The following MGMT variants were observed in gnomAD, a reference collection of about 807,000 sequenced individuals.
MGMT encodes the protein O-6-methylguanine-DNA methyltransferase, also known as methylated-DNA--protein-cysteine methyltransferase.
In MGMT, 14 loss-of-function variants were observed where a neutral mutation model predicts 15.9. The ratio of observed to expected loss-of-function variants is 0.88; its 90% CI spans 0.58 to 1.37. The LOEUF (loss-of-function observed/expected upper bound fraction) is 1.37, where lower values mean the gene tolerates loss of function less well. Among genes scored for constraint, MGMT ranks in the 40% most tolerant of loss-of-function variants. MGMT has a pLI of 0.00. For synonymous variants in MGMT, 130 were observed against 118.2 expected, an observed-to-expected ratio of 1.10 and a Z score of -0.65; for missense variants, 282 against 268.1, an observed-to-expected ratio of 1.05 and a Z score of -0.36.
At chr10:129,638,769 C>G (rs1444013347) in intron 2 of MGMT, among the ~76,000 whole-genome samples, 2 of 152,072 alleles carry the variant, frequency 1.3e-5, no homozygotes, top group Non-Finnish European at 2.9e-5. Context: ...ACTAAACTCA[C>G]CAGTAAGAAA....
intron 2 of MGMT, among the ~76,000 whole-genome samples, chr10:129,543,148 A>G (rs1846062696): frequency 6.6e-6 from 1 of 152,212 alleles, no homozygotes; most frequent in African/African-American, 2.4e-5. Flanking sequence ...CCGGACACAC[A>G]GTGCTGCACA....
At chr10:129,740,079 T>C (rs1848613455) in intron 3 of MGMT, among the ~76,000 whole-genome samples, 1 of 152,346 alleles carries the variant, frequency 6.6e-6, no homozygotes, top group Admixed American at 6.5e-5. Context: ...AAACGTTGTG[T>C]ATTTTCTCGT....
chr10:129,614,681 G>C (rs954447098), intron 2 of MGMT, among the ~76,000 whole-genome samples: 2 of 152,196 alleles, frequency 1.3e-5, no homozygotes, highest in African/African-American at 4.8e-5. Flanking sequence ...TGTTGCCCAT[G>C]AGCAGTGAAG....
chr10:129,588,877 A>C (rs946196826), intron 2 of MGMT, among the ~76,000 whole-genome samples: 7 of 152,262 alleles, frequency 4.6e-5, no homozygotes, highest in Admixed American at 2.0e-4. Context: ...TGCAGAGCTT[A>C]ATGAACAGAG....
intron 1 of MGMT, among the ~76,000 whole-genome samples, chr10:129,516,842 G>T (rs1267269937): frequency 6.6e-6 from 1 of 152,164 alleles, no homozygotes; most frequent in Non-Finnish European, 1.5e-5. Context: ...TTAGCTTATG[G>T]GTCGCTAATG....
At chr10:129,753,681 G>C (rs1047455260) in intron 3 of MGMT, among the ~76,000 whole-genome samples, 2 of 151,930 alleles carry the variant, frequency 1.3e-5, no homozygotes, top group East Asian at 3.9e-4. Context: ...GCTTCTATTT[G>C]TGTTTTTTCA....
chr10:129,693,474 ACT>A (rs1463784594), intron 2 of MGMT, among the ~76,000 whole-genome samples: 1 of 152,022 alleles, frequency 6.6e-6, no homozygotes, highest in African/African-American at 2.4e-5. Flanking sequence ...CGGAAGCATA[ACT>A]CTAGCTCTCC....
intron 1 of MGMT, among the ~76,000 whole-genome samples, chr10:129,529,034 G>A (rs545333761): frequency 1.3e-5 from 2 of 152,006 alleles, no homozygotes; most frequent in South Asian, 4.2e-4. Flanking sequence ...GACTGTTTTC[G>A]GCGGCTTCTC....
At chr10:129,663,098 T>C (rs1467455717) in intron 2 of MGMT, among the ~76,000 whole-genome samples, 1 of 152,102 alleles carries the variant, frequency 6.6e-6, no homozygotes, top group African/African-American at 2.4e-5. Flanking sequence ...TACGTCTGTT[T>C]CTCAACATAC....
chr10:129,617,548 A>T (rs1410073408), intron 2 of MGMT, among the ~76,000 whole-genome samples: 2 of 152,024 alleles, frequency 1.3e-5, no homozygotes, highest in Admixed American at 1.3e-4. Context: ...TCCCACCAAG[A>T]GCGTATAAGC....
In MGMT at chr10:129,609,435, G is replaced by A. The variant is rs117199334; in HGVS notation, c.125+73058G>A. Among the ~76,000 whole-genome samples, 1,074 of 152,260 alleles carry A rather than the reference G, an allele frequency of 7.1e-3. 5 individuals are homozygous for A. The highest frequency in any genetic ancestry group is 0.011 in the Non-Finnish European group (739 of 68,004). On this transcript the variant is annotated intron_variant, in intron 2 of 4. Coordinates refer to ENST00000651593, the MANE Select transcript of MGMT (RefSeq NM_002412.5). Reference sequence around the variant, plus strand: ...AGCCCCTGGAGGCTGGATGGTAGAAGTGAAATCTCTGGCCCCATCTGGAGT... The same window carrying A: ...AGCCCCTGGAGGCTGGATGGTAGAAATGAAATCTCTGGCCCCATCTGGAGT...
In MGMT at chr10:129,762,233, A is replaced by T. The variant is rs1220683052; in HGVS notation, c.414+2892A>T. On this transcript the variant is annotated intron_variant, in intron 4 of 4. Coordinates refer to ENST00000651593, the MANE Select transcript of MGMT (RefSeq NM_002412.5). ...AACATCCCTTATATTCAGGATGAAT[A>T]GAGTGATTGTGCATTTAAGGGAGGA... Among the ~76,000 whole-genome samples the T allele has an allele frequency of 2.0e-5, 3 of 152,260 alleles. No homozygotes were observed. The East Asian group carries it at 5.8e-4, about 29-fold the overall frequency.
At chr10:129,681,522 A>G (rs980595246) in intron 2 of MGMT, among the ~76,000 whole-genome samples, 1 of 152,206 alleles carries the variant, frequency 6.6e-6, no homozygotes, top group African/African-American at 2.4e-5. Flanking sequence ...CTGTTCCTAA[A>G]CTTTTGCTCT....
chr10:129,720,488 A>G (rs145920538), intron 3 of MGMT, among the ~76,000 whole-genome samples: 3 of 152,304 alleles, frequency 2.0e-5, no homozygotes, highest in African/African-American at 4.8e-5. Context: ...TTCACTCTGC[A>G]CTAGCTGGTT....
At chr10:129,710,795 TCAAC>T (rs1848224516) in intron 3 of MGMT, among the ~76,000 whole-genome samples, 1 of 152,206 alleles carries the variant, frequency 6.6e-6, no homozygotes, top group African/African-American at 2.4e-5. Flanking sequence ...GTAACAGAAA[TCAAC>T]CTGCTTTGCA....
At chr10:129,624,856 A>G (rs748335236) in intron 2 of MGMT, among the ~76,000 whole-genome samples, 77 of 152,220 alleles carry the variant, frequency 5.1e-4, no homozygotes, top group African/African-American at 9.4e-4. Flanking sequence ...AGGCACCCAC[A>G]TGAAGCGGCT....
chr10:129,666,898 T>G (rs915234883), intron 2 of MGMT, among the ~76,000 whole-genome samples: 3 of 152,218 alleles, frequency 2.0e-5, no homozygotes, highest in African/African-American at 7.2e-5. Flanking sequence ...GTTCTTGGCT[T>G]GGTTCCCACA....
At chr10:129,709,049 G>A (rs1228699540) in intron 3 of MGMT, among the ~76,000 whole-genome samples, 1 of 152,230 alleles carries the variant, frequency 6.6e-6, no homozygotes, top group Non-Finnish European at 1.5e-5. Context: ...CACGTTTTGT[G>A]CATAATGAAC....
intron 2 of MGMT, among the ~76,000 whole-genome samples, chr10:129,607,364 C>G (rs1354524226): frequency 6.6e-6 from 1 of 152,032 alleles, no homozygotes; most frequent in Non-Finnish European, 1.5e-5. Flanking sequence ...TACCTAAGTA[C>G]CATTGAAGAA....
Sources: allele counts gnomAD v4.1 joint callset (sites outside exome capture counted in the v4.1 genomes callset), GRCh38; gene constraint gnomAD v4.1.1; transcripts MANE v1.5; gene names NCBI Gene and HGNC (gene_info 2026-07-23, HGNC 2026-07-21).